The following FSTL3 variants were observed in gnomAD, a reference collection of about 807,000 sequenced individuals.
The protein encoded by FSTL3 is follistatin like 3.
A neutral mutation model predicts 28.1 loss-of-function variants in FSTL3; 21 were observed. The observed-to-expected ratio is 0.75, with a 90% CI of 0.53 to 1.08. The LOEUF (loss-of-function observed/expected upper bound fraction) is 1.08, where lower values mean the gene tolerates loss of function less well. FSTL3 is among the 50% of genes least tolerant of loss of function. The probability of loss-of-function intolerance (pLI) is 0.00; values close to 1 mark genes in which losing one functional copy is unlikely to be tolerated. For missense variants in FSTL3, 400 were observed against 380.9 expected (o/e 1.05, Z -0.42); for synonymous variants, 199 against 164.2 (o/e 1.21, Z -1.62).
rs1222829980 is a variant in FSTL3 at position 681,454 on chromosome 19, G to T, written c.627G>T (p.Glu209Asp). ...PCPVPSSPGQ[E>D]LCGNNNVTYI... is the part of the protein sequence containing the mutation. Reference sequence around the variant, plus strand: ...CTGTGCCCTCCAGCCCCGGCCAGGAGCTTTGCGGCAACAACAACGTCACCT... The same window carrying T: ...CTGTGCCCTCCAGCCCCGGCCAGGATCTTTGCGGCAACAACAACGTCACCT... Residue 209 changes from glutamate (E) to aspartate (D), a missense_variant, in exon 4 of 5, where the codon GAG (glutamate) becomes GAT (aspartate). By Grantham distance (45) the Glu-to-Asp change is conservative (BLOSUM62 2). Coordinates refer to ENST00000166139, the MANE Select transcript of FSTL3 (RefSeq NM_005860.3). 4 of 1,600,272 alleles carry T rather than the reference G, an allele frequency of 2.5e-6. No homozygotes were observed. The highest frequency in any genetic ancestry group is 3.3e-4 in the Middle Eastern group (2 of 6,062).
intron 2 of FSTL3, among the ~76,000 whole-genome samples, chr19:679,384 C>A (rs2031277434): frequency 6.6e-6 from 1 of 152,166 alleles, no homozygotes; most frequent in South Asian, 2.1e-4. Context: ...GGAAGTGGGG[C>A]TCCCTCGTCA....
Position 681,550 on chromosome 19 carries a change from C to T in FSTL3, c.723C>T (p.Gly241=). The T allele has an allele frequency of 6.2e-7, 1 of 1,607,382 alleles. No homozygotes were observed. Among genetic ancestry groups the T allele is most frequent in the Non-Finnish European group, 8.5e-7 (1 of 1,178,730 alleles). ...GCTCCATCGGCGTGCGCCACGCGGG[C>T]AGCTGCGCAGGTGCAGACGCAGGGC... ...LGRSIGVRHA[G]SCAGTPEEPP... The change falls in exon 4 of 5, where the codon GGC becomes GGT. Residue 241 remains glycine (G), a synonymous_variant. Transcript: ENST00000166139.
At chr19:680,542 G>T in intron 3 of FSTL3, 53 bp downstream of exon 3, 1 of 1,088,372 alleles carries the variant, frequency 9.2e-7, no homozygotes. Flanking sequence ...CCGGACCTGC[G>T]CGTCATGTAT....
In FSTL3 at chr19:681,435, C is replaced by T; in HGVS notation, c.608C>T (p.Pro203Leu). The T allele has an allele frequency of 6.3e-7, 1 of 1,598,484 alleles. No homozygotes were observed. Among genetic ancestry groups the T allele is most frequent in the South Asian group, 1.1e-5 (1 of 90,840 alleles). ...TGTCGAGCGGCGCCCTGCCCTGTGC[C>T]CTCCAGCCCCGGCCAGGAGCTTTGC... ...VVCRAAPCPV[P>L]SSPGQELCGN... Residue 203 changes from proline (P) to leucine (L), a missense_variant, in exon 4 of 5, where the codon CCC (proline) becomes CTC (leucine). Physicochemically the swap from Pro to Leu is moderately conservative, Grantham distance 98. Coordinates refer to ENST00000166139, the MANE Select transcript of FSTL3 (RefSeq NM_005860.3).
In FSTL3 at chr19:677,904, C is replaced by T; in HGVS notation, c.216C>T (p.Ser72=). The T allele has an allele frequency of 6.2e-7, 1 of 1,613,626 alleles. No homozygotes were observed. The highest frequency in any genetic ancestry group is 1.3e-5 in the African/African-American group (1 of 75,058). The change falls in exon 2 of 5, where the codon TCC becomes TCT. Residue 72 remains serine (S), a synonymous_variant. Transcript: ENST00000166139. ...CCGGCAACATTGACACCGCCTGGTCCAACCTCACCCACCCGGGGAACAAGA... is the reference window on the plus strand; with the variant it reads ...CCGGCAACATTGACACCGCCTGGTCTAACCTCACCCACCCGGGGAACAAGA... ...CASGNIDTAW[S]NLTHPGNKIN... is the part of the protein sequence containing the mutation.
Position 682,935 on chromosome 19 carries a change from G to C in FSTL3, c.*1227G>C, listed in dbSNP as rs1270386733. The C allele has an allele frequency of 4.3e-6, 1 of 232,748 alleles. No homozygotes were observed. Among genetic ancestry groups the C allele is most frequent in the Non-Finnish European group, 8.5e-6 (1 of 117,834 alleles). 14.4% of individuals were successfully genotyped at this position (232,748 alleles called of 1,614,324 possible). On this transcript the variant is annotated 3_prime_UTR_variant, in exon 5 of 5. Coordinates refer to ENST00000166139, the MANE Select transcript of FSTL3 (RefSeq NM_005860.3). Reference sequence around the variant, plus strand: ...CCACTAGGTGCCTGCTGCCTCCACAGTGGGGTTCACACCCAGGGCTCCTTG... The same window carrying C: ...CCACTAGGTGCCTGCTGCCTCCACACTGGGGTTCACACCCAGGGCTCCTTG...
In FSTL3 at chr19:681,957, G is replaced by A. The variant is rs1387553433; in HGVS notation, c.*249G>A. On this transcript the variant is annotated 3_prime_UTR_variant, in exon 5 of 5. Transcript: ENST00000166139. ...CGCCTGATTTAGGGCCCTTCTCTAG[G>A]ATGCCCCAGCCCCTACCCTAAGACC... The A allele has an allele frequency of 3.5e-6, 2 of 578,882 alleles. No individual in the cohort carries two copies. Among genetic ancestry groups the A allele is most frequent in the Non-Finnish European group, 6.2e-6 (2 of 322,940 alleles). 35.9% of individuals were successfully genotyped at this position (578,882 alleles called of 1,614,324 possible). A position where few individuals can be genotyped will look rare whatever the true frequency, so the allele number is the denominator to read the frequency against.
intron 2 of FSTL3, among the ~76,000 whole-genome samples, chr19:678,759 C>T (rs2031266091): frequency 6.6e-6 from 1 of 152,156 alleles, no homozygotes; most frequent in Non-Finnish European, 1.5e-5. Flanking sequence ...GATCTGCCAG[C>T]CTTGGCCTCC....
chr19:680,554 G>C, intron 3 of FSTL3, 65 bp downstream of exon 3: 1 of 992,490 alleles, frequency 1.0e-6, no homozygotes, highest in Non-Finnish European at 1.3e-6. Flanking sequence ...GTCATGTATC[G>C]AGGCTGCTGC....
chr19:683,162 C>T lies in FSTL3; in HGVS notation c.*1454C>T, dbSNP rs1227642332. The T allele has an allele frequency of 8.6e-6, 2 of 233,114 alleles. No homozygotes were observed. Among genetic ancestry groups the T allele is most frequent in the Non-Finnish European group, 1.7e-5 (2 of 117,730 alleles). The allele number at this position is 233,114 out of a possible 1,614,324, so 14.4% of individuals were successfully genotyped here. ...CCTGCGTGTAAACCACAGCCTCAGA[C>T]CAGCTATGGGGAGAGGACAACACGG... is the stretch of plus-strand genomic sequence containing the variant. On this transcript the variant is annotated 3_prime_UTR_variant, in exon 5 of 5. Transcript: ENST00000166139.
Position 682,841 on chromosome 19 carries a change from G to A in FSTL3, c.*1133G>A, listed in dbSNP as rs2031369655. On this transcript the variant is annotated 3_prime_UTR_variant, in exon 5 of 5. Transcript: ENST00000166139. ...CCACTGCTCACCCACTGGCCCCGAG[G>A]GGGGTGTAGACGCCAAGACTCACGC... is the stretch of plus-strand genomic sequence containing the variant. The A allele has an allele frequency of 4.3e-6, 1 of 232,898 alleles. No individual in the cohort carries two copies. Among genetic ancestry groups the A allele is most frequent in the Non-Finnish European group, 8.5e-6 (1 of 117,890 alleles). The allele number at this position is 232,898 out of a possible 1,614,324, so 14.4% of individuals were successfully genotyped here.
chr19:677,869 T>C lies in FSTL3; in HGVS notation c.181T>C (p.Cys61Arg), dbSNP rs2031245287. The C allele has an allele frequency of 1.9e-6, 3 of 1,613,172 alleles. No individual in the cohort carries two copies. Among genetic ancestry groups the C allele is most frequent in the Non-Finnish European group, 2.5e-6 (3 of 1,179,934 alleles). The change falls in exon 2 of 5, where the codon TGC becomes CGC. Residue 61 changes from cysteine to arginine, a missense_variant. Coordinates refer to ENST00000166139, the MANE Select transcript of FSTL3 (RefSeq NM_005860.3). ...CCAGACTGATGTCACCCGGGCCGAG[T>C]GCTGTGCCTCCGGCAACATTGACAC... ...VLQTDVTRAE[C>R]CASGNIDTAW...
At position 680,097 on chromosome 19, in the gene FSTL3, C is replaced by G. The variant is rs1332470475; in HGVS notation, c.290-177C>G. On this transcript the variant is annotated intron_variant, in intron 2 of 4. Transcript: ENST00000166139. ...CGGCCCCACCGGTCCCGCGCCCGGA[C>G]CCTGAGCCCTGCCCCTGGGAACCCG... is the stretch of plus-strand genomic sequence containing the variant. 5 of 332,382 alleles carry G rather than the reference C, an allele frequency of 1.5e-5. No individual in the cohort carries two copies. The Admixed American group carries it at 2.5e-4, about 16-fold the overall frequency. The allele number at this position is 332,382 out of a possible 1,614,324, so 20.6% of individuals were successfully genotyped here. A position where few individuals can be genotyped will look rare whatever the true frequency, so the allele number is the denominator to read the frequency against.
In FSTL3 at chr19:676,497, G is replaced by A; in HGVS notation, c.74G>A (p.Ser25Asn). The change falls in exon 1 of 5, where the codon AGC becomes AAC. Residue 25 changes from serine to asparagine, a missense_variant. Ser to Asn is a conservative substitution (Grantham distance 46). Transcript: ENST00000166139. ...CTGGCTTGGGCCGTGGGCTTCGTGAGCTCCATGGGCTCGGGGAACCCCGCG... is the reference window on the plus strand; with the variant it reads ...CTGGCTTGGGCCGTGGGCTTCGTGAACTCCATGGGCTCGGGGAACCCCGCG... ...GALAWAVGFV[S>N]SMGSGNPAPG... is the part of the protein sequence containing the mutation. 2 of 1,181,594 alleles carry A rather than the reference G, an allele frequency of 1.7e-6. No homozygotes were observed. Among genetic ancestry groups the A allele is most frequent in the Non-Finnish European group, 2.1e-6 (2 of 954,076 alleles). The allele number at this position is 1,181,594 out of a possible 1,614,324, so 73.2% of individuals were successfully genotyped here.
rs924725460 is a variant in FSTL3, at chr19:682,104, C to G, written c.*396C>G. On this transcript the variant is annotated 3_prime_UTR_variant, in exon 5 of 5. Transcript: ENST00000166139. ...CCTGAAGAGGCATGACTGCTTTTCT[C>G]AGCCCCAAGCCTCTAGTCTGGGTGT... 1 of 401,668 alleles carries G rather than the reference C, an allele frequency of 2.5e-6. No homozygotes were observed. Among genetic ancestry groups the G allele is most frequent in the Non-Finnish European group, 4.7e-6 (1 of 213,956 alleles). 24.9% of individuals were successfully genotyped at this position (401,668 alleles called of 1,614,324 possible). A position where few individuals can be genotyped will look rare whatever the true frequency, so the allele number is the denominator to read the frequency against.
chr19:680,966 G>A lies in FSTL3; in HGVS notation c.506-367G>A. The stretch of plus-strand genomic sequence containing the variant: ...GGGCATGATGGAACCAGGGGGGTGA[G>A]ACTGGGTCATGTAAGGGGCGGGGCT... On this transcript the variant is annotated intron_variant, in intron 3 of 4. Transcript: ENST00000166139. 3 of 321,256 alleles carry A rather than the reference G, an allele frequency of 9.3e-6. No individual in the cohort carries two copies. The South Asian group carries it at 1.2e-4, about 13-fold the overall frequency. 19.9% of individuals were successfully genotyped at this position (321,256 alleles called of 1,614,324 possible). A position where few individuals can be genotyped will look rare whatever the true frequency, so the allele number is the denominator to read the frequency against.
rs1376947068 is a variant in FSTL3, at chr19:683,168, A to G, written c.*1460A>G. The G allele has an allele frequency of 8.6e-6, 2 of 232,812 alleles. No homozygotes were observed. The highest frequency in any genetic ancestry group is 3.6e-4 in the South Asian group (2 of 5,540). The allele number at this position is 232,812 out of a possible 1,614,324, so 14.4% of individuals were successfully genotyped here. A position where few individuals can be genotyped will look rare whatever the true frequency, so the allele number is the denominator to read the frequency against. On this transcript the variant is annotated 3_prime_UTR_variant, in exon 5 of 5. Transcript: ENST00000166139. ...TGTAAACCACAGCCTCAGACCAGCT[A>G]TGGGGAGAGGACAACACGGAGGATA...
rs762487681 is a variant in FSTL3 at position 677,866 on chromosome 19, G to A, written c.178G>A (p.Glu60Lys). ...LVLQTDVTRAECCASGNIDTA... is the reference protein window; with the variant it reads ...LVLQTDVTRAKCCASGNIDTA... Reference sequence around the variant, plus strand: ...GCTCCAGACTGATGTCACCCGGGCCGAGTGCTGTGCCTCCGGCAACATTGA... The same window carrying A: ...GCTCCAGACTGATGTCACCCGGGCCAAGTGCTGTGCCTCCGGCAACATTGA... The change falls in exon 2 of 5, where the codon GAG becomes AAG. Residue 60 changes from glutamate to lysine, a missense_variant. Transcript: ENST00000166139. 15 of 1,613,148 alleles carry A rather than the reference G, an allele frequency of 9.3e-6. No individual in the cohort carries two copies. Among genetic ancestry groups the A allele is most frequent in the Middle Eastern group, 3.3e-4 (2 of 6,082 alleles).
chr19:682,248 G>A lies in FSTL3; in HGVS notation c.*540G>A, dbSNP rs2031355457. The A allele has an allele frequency of 3.6e-6, 1 of 278,942 alleles. No individual in the cohort carries two copies. The highest frequency in any genetic ancestry group is 2.2e-5 in the African/African-American group (1 of 45,422). 17.3% of individuals were successfully genotyped at this position (278,942 alleles called of 1,614,324 possible). On this transcript the variant is annotated 3_prime_UTR_variant, in exon 5 of 5. Coordinates refer to ENST00000166139, the MANE Select transcript of FSTL3 (RefSeq NM_005860.3). ...TGAGTACGGAGGGTCTAGCCTGGGT[G>A]TGTATGGAGGATCTAGCCTGGGTGA...
Sources: gnomAD v4.1 joint callset for allele counts (sites outside exome capture counted in the v4.1 genomes callset) on GRCh38, gnomAD v4.1.1 for gene constraint, MANE v1.5 for transcripts, NCBI Gene and HGNC (gene_info 2026-07-23, HGNC 2026-07-21) for gene names.